Variants in NTRK2 observed in about 807,000 individuals in gnomAD.
NTRK2 encodes the protein BDNF/NT-3 growth factors receptor.
In NTRK2, 13 loss-of-function variants were observed where a neutral mutation model predicts 94.5. The ratio of observed to expected loss-of-function variants is 0.14; its 90% CI spans 0.09 to 0.22. The LOEUF is 0.22. Ranked by LOEUF, NTRK2 falls within the 10% of genes least tolerant of loss-of-function variation. The pLI is 1.00. For missense variants in NTRK2, 639 were observed against 1,071.2 expected (o/e 0.60, Z 5.63); for synonymous variants, 372 against 407.4 (o/e 0.91, Z 1.05).
intron 12 of NTRK2, among the ~76,000 whole-genome samples, chr9:84,760,379 G>T (rs1296266817): frequency 1.3e-5 from 2 of 152,256 alleles, no homozygotes; most frequent in Non-Finnish European, 2.9e-5. Flanking sequence ...AAATATTATA[G>T]GGTGATTCTT....
chr9:84,833,178 A>C (rs916552442), intron 12 of NTRK2, among the ~76,000 whole-genome samples: 1 of 152,166 alleles, frequency 6.6e-6, no homozygotes, highest in Non-Finnish European at 1.5e-5. Flanking sequence ...GTTCTGATGC[A>C]CACTAAGGTC....
intron 17 of NTRK2, among the ~76,000 whole-genome samples, chr9:85,011,320 T>G (rs2133512585): frequency 6.6e-6 from 1 of 152,252 alleles, no homozygotes; most frequent in Admixed American, 6.5e-5. Flanking sequence ...CTTGCTCCCC[T>G]GAACTGTGCC....
At chr9:84,824,648 T>C (rs1449447646) in intron 12 of NTRK2, among the ~76,000 whole-genome samples, 4 of 152,210 alleles carry the variant, frequency 2.6e-5, no homozygotes, top group African/African-American at 9.6e-5. Flanking sequence ...TTGCTAAGTT[T>C]GGCAATTTCT....
intron 14 of NTRK2, among the ~76,000 whole-genome samples, chr9:84,904,889 A>G (rs2077028264): frequency 6.6e-6 from 1 of 152,226 alleles, no homozygotes; most frequent in South Asian, 2.1e-4. Flanking sequence ...TTAAACCTCC[A>G]GCTTTTCTTC....
chr9:84,805,299 T>C (rs531748848), intron 12 of NTRK2, among the ~76,000 whole-genome samples: 1 of 152,316 alleles, frequency 6.6e-6, no homozygotes, highest in Non-Finnish European at 1.5e-5. Context: ...CTCAGTAATT[T>C]TAGTTTTTCA....
At chr9:84,978,554 G>T (rs1374012069) in intron 17 of NTRK2, among the ~76,000 whole-genome samples, 1 of 152,202 alleles carries the variant, frequency 6.6e-6, no homozygotes, top group African/African-American at 2.4e-5. Flanking sequence ...ATATAAAAGT[G>T]CAAGGTGAAG....
intron 9 of NTRK2, 103 bp downstream of exon 9, chr9:84,728,062 A>T (rs1019397112): frequency 2.9e-5 from 30 of 1,042,526 alleles, no homozygotes; most frequent in Admixed American, 5.7e-5. Context: ...CTAGTGGCTT[A>T]AAACTCCATT....
chr9:84,830,176 A>T (rs1437221530), intron 12 of NTRK2, among the ~76,000 whole-genome samples: 1 of 152,220 alleles, frequency 6.6e-6, no homozygotes, highest in African/African-American at 2.4e-5. Flanking sequence ...CAGCAGGTCA[A>T]GACATGCTTC....
chr9:84,792,956 C>T (rs1209542334), intron 12 of NTRK2, among the ~76,000 whole-genome samples: 1 of 152,132 alleles, frequency 6.6e-6, no homozygotes. Context: ...GTGGTTGCTA[C>T]ATAATGTGTA....
chr9:84,722,632 A>G (rs1380309027), intron 6 of NTRK2, among the ~76,000 whole-genome samples: 1 of 152,138 alleles, frequency 6.6e-6, no homozygotes, highest in Admixed American at 6.5e-5. Context: ...AGGTCCTGAC[A>G]TATTGTTATA....
At chr9:84,797,976 A>C (rs538780906) in intron 12 of NTRK2, among the ~76,000 whole-genome samples, 2 of 146,266 alleles carry the variant, frequency 1.4e-5, no homozygotes, top group South Asian at 4.2e-4. Context: ...TGTGTTCAGG[A>C]CTCCTGGGTA....
chr9:84,817,833 C>T (rs1052287891), intron 12 of NTRK2, among the ~76,000 whole-genome samples: 3 of 152,144 alleles, frequency 2.0e-5, no homozygotes, highest in African/African-American at 7.2e-5. Flanking sequence ...TCTAGAAGGC[C>T]ACACATGATT....
At chr9:84,778,130 G>T (rs1203382052) in intron 12 of NTRK2, among the ~76,000 whole-genome samples, 1 of 152,114 alleles carries the variant, frequency 6.6e-6, no homozygotes, top group Non-Finnish European at 1.5e-5. Context: ...CAGAGTGGTG[G>T]CGGGCACCTG....
intron 2 of NTRK2, among the ~76,000 whole-genome samples, chr9:84,698,114 G>A (rs998007876): frequency 1.6e-4 from 25 of 151,742 alleles, no homozygotes; most frequent in African/African-American, 5.6e-4. Context: ...AACATAAATG[G>A]TATAAATAGT....
At chr9:84,985,883 C>G (rs1828231451) in intron 17 of NTRK2, among the ~76,000 whole-genome samples, 1 of 152,068 alleles carries the variant, frequency 6.6e-6, no homozygotes, top group Non-Finnish European at 1.5e-5. Context: ...ATCGTAAAAC[C>G]AGAAAGGATG....
At chr9:84,729,167 G>A (rs1401784766) in intron 9 of NTRK2, among the ~76,000 whole-genome samples, 1 of 152,162 alleles carries the variant, frequency 6.6e-6, no homozygotes, top group Non-Finnish European at 1.5e-5. Context: ...AAACAAGAAT[G>A]CAGTCCTTCT....
chr9:84,947,259 C>G (rs935486514), intron 15 of NTRK2, among the ~76,000 whole-genome samples: 4 of 152,196 alleles, frequency 2.6e-5, no homozygotes, highest in African/African-American at 9.7e-5. Flanking sequence ...CCCGGTCTCT[C>G]TTTGCTCTTA....
chr9:84,823,950 A>C (rs1378901955), intron 12 of NTRK2, among the ~76,000 whole-genome samples: 1 of 152,144 alleles, frequency 6.6e-6, no homozygotes, highest in Non-Finnish European at 1.5e-5. Context: ...ATTCATGTGC[A>C]AGTAATTTAT....
chr9:84,681,742 T>G (rs957248750), intron 2 of NTRK2, among the ~76,000 whole-genome samples: 1 of 152,202 alleles, frequency 6.6e-6, no homozygotes, highest in Non-Finnish European at 1.5e-5. Context: ...TCTGAAATGC[T>G]GATCTTATCC....
Sources: allele counts gnomAD v4.1 joint callset (sites outside exome capture counted in the v4.1 genomes callset), GRCh38; gene constraint gnomAD v4.1.1; transcripts MANE v1.5; gene names NCBI Gene and HGNC (gene_info 2026-07-23, HGNC 2026-07-21).